Variants in TTC23 observed in about 807,000 individuals in gnomAD.
TTC23 encodes the protein tetratricopeptide repeat domain 23.
TTC23 carries 58 observed loss-of-function variants against 55.1 expected under a neutral mutation model. The ratio of observed to expected loss-of-function variants is 1.05; its 90% CI spans 0.85 to 1.31. The LOEUF (loss-of-function observed/expected upper bound fraction) is 1.31. Among genes scored for constraint, TTC23 ranks in the 50% most tolerant of loss-of-function variants. The pLI, the probability that TTC23 is intolerant of heterozygous loss-of-function variation, is 0.00. For synonymous variants in TTC23, 203 were observed against 199.9 expected (o/e 1.02, Z -0.13); for missense variants, 516 against 534.4 (o/e 0.97, Z 0.34).
chr15:99,179,324 C>T (rs1484418980), intron 9 of TTC23, among the ~76,000 whole-genome samples: 2 of 152,202 alleles, frequency 1.3e-5, no homozygotes, highest in African/African-American at 2.4e-5. Context: ...TGCCTCCATG[C>T]ACATCTACTC....
At chr15:99,210,786 G>T (rs906323451) in intron 8 of TTC23, among the ~76,000 whole-genome samples, 1 of 152,128 alleles carries the variant, frequency 6.6e-6, no homozygotes, top group African/African-American at 2.4e-5. Flanking sequence ...AAGAGCAAAG[G>T]TTATTATTGA....
At chr15:99,230,904 C>A (rs763179446) in intron 4 of TTC23, among the ~76,000 whole-genome samples, 3 of 152,168 alleles carry the variant, frequency 2.0e-5, no homozygotes, top group Admixed American at 6.5e-5. Flanking sequence ...ACAAAACAGA[C>A]GACCTTGGAA....
intron 8 of TTC23, among the ~76,000 whole-genome samples, chr15:99,211,149 T>C (rs182202792): frequency 6.6e-6 from 1 of 151,924 alleles, no homozygotes. Flanking sequence ...CCAAAACAGG[T>C]GGATCACTTG....
chr15:99,199,191 G>A (rs1398956267), intron 9 of TTC23, among the ~76,000 whole-genome samples: 1 of 152,094 alleles, frequency 6.6e-6, no homozygotes, highest in Non-Finnish European at 1.5e-5. Context: ...AAGAAACTCT[G>A]CTTCAAGACT....
At chr15:99,200,999 G>A (rs1249166713) in intron 8 of TTC23, among the ~76,000 whole-genome samples, 1 of 152,218 alleles carries the variant, frequency 6.6e-6, no homozygotes, top group Non-Finnish European at 1.5e-5. Context: ...TCTCAGGCAT[G>A]TGAAAACTGT....
intron 12 of TTC23, among the ~76,000 whole-genome samples, chr15:99,152,014 T>G (rs148441898): frequency 3.9e-5 from 6 of 152,300 alleles, no homozygotes; most frequent in Non-Finnish European, 8.8e-5. Flanking sequence ...AATCTCATGT[T>G]GAATTATAAT....
At chr15:99,138,868 G>A (rs1555488556) in intron 13 of TTC23, among the ~76,000 whole-genome samples, 3 of 152,228 alleles carry the variant, frequency 2.0e-5, no homozygotes, top group African/African-American at 7.2e-5. Context: ...GCTCTGTGAG[G>A]TAGGCCCTCC....
intron 10 of TTC23, among the ~76,000 whole-genome samples, chr15:99,162,395 A>G (rs1429320109): frequency 6.6e-6 from 1 of 152,266 alleles, no homozygotes; most frequent in Admixed American, 6.5e-5. Flanking sequence ...TGGTTATAAT[A>G]TAACACAAAT....
intron 12 of TTC23, chr15:99,145,192 C>G (rs760661201): frequency 1.3e-5 from 2 of 152,204 alleles, no homozygotes; most frequent in Admixed American, 6.5e-5. Flanking sequence ...CGTCTTTGTC[C>G]ACATTCGCCA....
intron 10 of TTC23, among the ~76,000 whole-genome samples, chr15:99,164,988 C>T (rs1403699183): frequency 6.6e-6 from 1 of 152,102 alleles, no homozygotes; most frequent in Non-Finnish European, 1.5e-5. Context: ...AAAAGGGGAC[C>T]ATTATATTAA....
chr15:99,235,569 A>C (rs1210182390), intron 3 of TTC23, among the ~76,000 whole-genome samples: 1 of 151,958 alleles, frequency 6.6e-6, no homozygotes, highest in Admixed American at 6.6e-5. Flanking sequence ...ATGGGGTTTC[A>C]CCATGTTGGT....
chr15:99,201,680 G>A (rs2076213871), intron 8 of TTC23, among the ~76,000 whole-genome samples: 1 of 152,158 alleles, frequency 6.6e-6, no homozygotes, highest in African/African-American at 2.4e-5. Context: ...AGACTTCAGG[G>A]ACTAAGGAGG....
intron 12 of TTC23, among the ~76,000 whole-genome samples, chr15:99,153,853 G>T (rs577628791): frequency 6.6e-6 from 1 of 152,028 alleles, no homozygotes; most frequent in African/African-American, 2.4e-5. Context: ...ACTAAGTCAA[G>T]GAAAAAGAGA....
chr15:99,201,632 T>C (rs1369044744), intron 8 of TTC23, among the ~76,000 whole-genome samples: 4 of 152,170 alleles, frequency 2.6e-5, no homozygotes, highest in Non-Finnish European at 5.9e-5. Flanking sequence ...TTAATCTGGA[T>C]ACCTTCTATA....
At chr15:99,138,243 G>C (rs2067766479) in intron 13 of TTC23, 116 bp from the exon 14 acceptor site, 8 of 1,269,306 alleles carry the variant, frequency 6.3e-6, no homozygotes, top group Non-Finnish European at 8.7e-6. Context: ...GACTTGGTAG[G>C]GGCTATAAAT....
chr15:99,231,339 A>T (rs1752843453), intron 4 of TTC23, among the ~76,000 whole-genome samples: 1 of 152,218 alleles, frequency 6.6e-6, no homozygotes, highest in Non-Finnish European at 1.5e-5. Context: ...AGCTATTCCA[A>T]AAGAAGGTAT....
At chr15:99,154,227 TA>T (rs2070233486) in intron 12 of TTC23, among the ~76,000 whole-genome samples, 1 of 152,240 alleles carries the variant, frequency 6.6e-6, no homozygotes, top group Admixed American at 6.5e-5. Context: ...ATTATTTTTA[TA>T]AGCAAATATA....
At chr15:99,168,631 C>T (rs2072484437) in intron 10 of TTC23, among the ~76,000 whole-genome samples, 1 of 152,190 alleles carries the variant, frequency 6.6e-6, no homozygotes, top group Admixed American at 6.5e-5. Context: ...CTTCAGCCTC[C>T]CCAGGAAAGA....
chr15:99,243,213 C>T (rs2079958546), intron 2 of TTC23, among the ~76,000 whole-genome samples: 2 of 152,160 alleles, frequency 1.3e-5, no homozygotes, highest in Admixed American at 1.3e-4. Flanking sequence ...AGACATTTCT[C>T]AAAAGACATG....
Sources: gnomAD v4.1 joint callset for allele counts (sites outside exome capture counted in the v4.1 genomes callset) on GRCh38, gnomAD v4.1.1 for gene constraint, MANE v1.5 for transcripts, NCBI Gene and HGNC (gene_info 2026-07-23, HGNC 2026-07-21) for gene names.